Variants in MGAT4C observed in about 807,000 individuals in gnomAD.
MGAT4C encodes the protein alpha-1,3-mannosyl-glycoprotein 4-beta-N-acetylglucosaminyltransferase C.
Under a neutral mutation model 40.1 loss-of-function variants are expected in MGAT4C, and 19 were observed. The ratio of observed to expected loss-of-function variants is 0.47; its 90% CI spans 0.33 to 0.70. MGAT4C has a LOEUF of 0.70. MGAT4C is among the 30% of genes least tolerant of loss of function. The pLI, the probability that MGAT4C is intolerant of heterozygous loss-of-function variation, is 0.02. For synonymous variants in MGAT4C, 181 were observed against 187.1 expected, an observed-to-expected ratio of 0.97 and a Z score of 0.27; for missense variants, 491 against 563.2, an observed-to-expected ratio of 0.87 and a Z score of 1.30.
At chr12:86,243,805 A>T (rs1298458611) in intron 1 of MGAT4C, among the ~76,000 whole-genome samples, 1 of 152,234 alleles carries the variant, frequency 6.6e-6, no homozygotes, top group African/African-American at 2.4e-5. Context: ...AGACCCATGA[A>T]TAAAAGACCT....
chr12:86,640,808 G>T (rs540138217), intron 2 of MGAT4C, among the ~76,000 whole-genome samples: 2 of 151,936 alleles, frequency 1.3e-5, no homozygotes, highest in South Asian at 2.1e-4. Flanking sequence ...TTGTGTCTTT[G>T]TTCTCGTTGG....
chr12:86,281,680 A>AT (rs1282574454), intron 4 of MGAT4C, among the ~76,000 whole-genome samples: 34 of 151,904 alleles, frequency 2.2e-4, no homozygotes, highest in Admixed American at 5.9e-4. Context: ...ATTATGCCGG[A>AT]TGTTTTTTGT....
At chr12:86,119,243 G>A (rs776422864) in intron 1 of MGAT4C, among the ~76,000 whole-genome samples, 7 of 151,854 alleles carry the variant, frequency 4.6e-5, no homozygotes, top group African/African-American at 7.3e-5. Context: ...AACAGTTGGA[G>A]ATGTGGCCTA....
intron 4 of MGAT4C, among the ~76,000 whole-genome samples, chr12:86,273,461 G>A (rs1952996857): frequency 6.6e-6 from 1 of 152,094 alleles, no homozygotes; most frequent in Non-Finnish European, 1.5e-5. Context: ...ATGATTGAAT[G>A]TTACTATTTA....
intron 1 of MGAT4C, among the ~76,000 whole-genome samples, chr12:86,758,751 T>C (rs1212519809): frequency 2.0e-4 from 31 of 152,136 alleles, no homozygotes; most frequent in Admixed American, 2.0e-3. Flanking sequence ...TTGGTATCTC[T>C]AAGGAACACC....
At chr12:86,326,678 C>G (rs987275383) in intron 4 of MGAT4C, among the ~76,000 whole-genome samples, 2 of 151,980 alleles carry the variant, frequency 1.3e-5, no homozygotes, top group Admixed American at 6.6e-5. Context: ...ACAAATATAT[C>G]TAATCACTTA....
intron 2 of MGAT4C, among the ~76,000 whole-genome samples, chr12:86,510,491 T>C (rs1448721879): frequency 6.6e-6 from 1 of 152,064 alleles, no homozygotes; most frequent in Non-Finnish European, 1.5e-5. Context: ...CACATAACAA[T>C]ATTAACCTTA....
At chr12:86,197,737 T>G (rs1347133423) in intron 1 of MGAT4C, among the ~76,000 whole-genome samples, 1 of 152,200 alleles carries the variant, frequency 6.6e-6, no homozygotes, top group African/African-American at 2.4e-5. Context: ...TGATAGCACA[T>G]TTTTAACTGG....
At position 85,980,112 on chromosome 12, in the gene MGAT4C, TCTA is replaced by T. The variant is rs1884383984; in HGVS notation, c.611_613del (p.Val204del). 6.2e-7 allele frequency: 1 copy of T among 1,613,760 alleles called. No individual in the cohort carries two copies. The highest frequency in any genetic ancestry group is 8.5e-7 in the Non-Finnish European group (1 of 1,179,862). ...ACAAAAATTAAGCAGAAAAGCATAA[TCTA>T]CATTTTGCTTGGAACGAAATTTGAC... On this transcript the variant is annotated inframe_deletion, in exon 5 of 5. Transcript: ENST00000611864.
intron 2 of MGAT4C, among the ~76,000 whole-genome samples, chr12:86,014,572 G>A: frequency 6.6e-6 from 1 of 152,146 alleles, no homozygotes; most frequent in South Asian, 2.1e-4. Context: ...TTCAGAGCTC[G>A]AGGGGGAGGT....
intron 2 of MGAT4C, among the ~76,000 whole-genome samples, chr12:86,520,964 T>C (rs1469397351): frequency 6.6e-6 from 1 of 152,220 alleles, no homozygotes; most frequent in Non-Finnish European, 1.5e-5. Context: ...AGATGCTGGA[T>C]ATTAGACACT....
intron 3 of MGAT4C, among the ~76,000 whole-genome samples, chr12:86,390,631 A>T (rs1956145692): frequency 6.6e-6 from 1 of 152,174 alleles, no homozygotes; most frequent in Admixed American, 6.5e-5. Flanking sequence ...AAGAGCAAAC[A>T]TTCAGAATGC....
intron 4 of MGAT4C, among the ~76,000 whole-genome samples, chr12:86,278,035 AT>A (rs1953120514): frequency 6.6e-6 from 1 of 152,118 alleles, no homozygotes; most frequent in South Asian, 2.1e-4. Context: ...CATGAAATAT[AT>A]TTCCACTTTT....
chr12:86,499,641 T>C (rs1958301320), intron 2 of MGAT4C, among the ~76,000 whole-genome samples: 1 of 151,900 alleles, frequency 6.6e-6, no homozygotes, highest in African/African-American at 2.4e-5. Flanking sequence ...TAGTTAATGG[T>C]ACCTCAATAT....
intron 1 of MGAT4C, among the ~76,000 whole-genome samples, chr12:86,099,582 G>A (rs1032304598): frequency 2.6e-5 from 4 of 151,422 alleles, no homozygotes; most frequent in Admixed American, 2.6e-4. Context: ...CATTTATGCA[G>A]CCAACAGACA....
chr12:86,470,652 T>C (rs1957745362), intron 2 of MGAT4C, among the ~76,000 whole-genome samples: 1 of 152,176 alleles, frequency 6.6e-6, no homozygotes, highest in Admixed American at 6.6e-5. Flanking sequence ...AAATACTATT[T>C]AGACTTATTG....
At chr12:86,133,416 A>G (rs1881521480) in intron 1 of MGAT4C, among the ~76,000 whole-genome samples, 1 of 152,182 alleles carries the variant, frequency 6.6e-6, no homozygotes, top group South Asian at 2.1e-4. Flanking sequence ...AGCATTTTAG[A>G]GTAAATGAGT....
chr12:86,780,676 A>G (rs909372948), intron 1 of MGAT4C, among the ~76,000 whole-genome samples: 2 of 152,194 alleles, frequency 1.3e-5, no homozygotes, highest in Non-Finnish European at 1.5e-5. Context: ...GTGTTTCTCC[A>G]TAAATTACCC....
At chr12:86,570,264 T>C (rs1391832938) in intron 2 of MGAT4C, among the ~76,000 whole-genome samples, 5 of 151,886 alleles carry the variant, frequency 3.3e-5, no homozygotes, top group Non-Finnish European at 7.4e-5. Flanking sequence ...TTTGACAATG[T>C]ATACATATAT....
Sources: gnomAD v4.1 joint callset for allele counts (sites outside exome capture counted in the v4.1 genomes callset) on GRCh38, gnomAD v4.1.1 for gene constraint, MANE v1.5 for transcripts, NCBI Gene and HGNC (gene_info 2026-07-23, HGNC 2026-07-21) for gene names.